TMEM165: variants seen among roughly 807,000 people sequenced by gnomAD.
The protein encoded by TMEM165 is transmembrane protein 165.
A neutral mutation model predicts 30.0 loss-of-function variants in TMEM165; 19 were observed. The ratio of observed to expected loss-of-function variants is 0.63; its 90% CI spans 0.44 to 0.93. The LOEUF is 0.93. Among genes scored for constraint, TMEM165 ranks in the 40% least tolerant of loss-of-function variants. The pLI, the probability that TMEM165 is intolerant of heterozygous loss-of-function variation, is 0.00. For synonymous variants in TMEM165, 168 were observed against 162.9 expected, an observed-to-expected ratio of 1.03 and a Z score of -0.24; for missense variants, 340 against 417.0, an observed-to-expected ratio of 0.82 and a Z score of 1.61.
At position 55,411,675 on chromosome 4, in the gene TMEM165, A is replaced by T; in HGVS notation, c.269A>T (p.Asn90Ile). The T allele has an allele frequency of 2.5e-6, 4 of 1,614,118 alleles. No individual in the cohort carries two copies. The highest frequency in any genetic ancestry group is 3.4e-6 in the Non-Finnish European group (4 of 1,180,004). Residue 90 changes from asparagine to isoleucine, a missense_variant, in exon 2 of 6, where the codon AAT becomes ATT. Physicochemically the swap from Asn to Ile is moderately radical, Grantham distance 149 (BLOSUM62 -3). Transcript: ENST00000381334. ...TNKEDPATQT[N>I]LGFIHAFVAA... ...AAAGAAGATCCTGCTACCCAAACTA[A>T]TTTGGGATTTATCCATGCATTTGTC... is the stretch of plus-strand genomic sequence containing the variant.
chr4:55,444,280 G>A (rs192342371), intron 3 of TMEM165, among the ~76,000 whole-genome samples: 1 of 152,118 alleles, frequency 6.6e-6, no homozygotes, highest in Admixed American at 6.5e-5. Flanking sequence ...ATACATACTG[G>A]TATCTTAATA....
chr4:55,403,633 A>G (rs1432592630), intron 1 of TMEM165, among the ~76,000 whole-genome samples: 1 of 151,902 alleles, frequency 6.6e-6, no homozygotes, highest in Non-Finnish European at 1.5e-5. Context: ...TGTGTTTCAG[A>G]CATTATTAAA....
rs1480269976 is a variant in TMEM165 at position 55,411,669 on chromosome 4, A to C, written c.263A>C (p.Gln88Pro). 1 of 1,614,198 alleles carries C rather than the reference A, an allele frequency of 6.2e-7. No individual in the cohort carries two copies. The highest frequency in any genetic ancestry group is 1.1e-5 in the South Asian group (1 of 91,090). ...VHTNKEDPAT[Q>P]TNLGFIHAFV... ...ACCAATAAAGAAGATCCTGCTACCCAAACTAATTTGGGATTTATCCATGCA... is the reference window on the plus strand; with the variant it reads ...ACCAATAAAGAAGATCCTGCTACCCCAACTAATTTGGGATTTATCCATGCA... The change falls in exon 2 of 6, where the codon CAA becomes CCA. Residue 88 changes from glutamine (Q) to proline (P), a missense_variant. Gln to Pro is a moderately conservative substitution (Grantham distance 76). Around this residue, in one of 2 missense-constraint regions of TMEM165, gnomAD observed 220 missense variants for 307.6 expected, o/e 0.72. Transcript: ENST00000381334.
intron 3 of TMEM165, among the ~76,000 whole-genome samples, chr4:55,448,605 T>G: frequency 3.6e-5 from 1 of 27,400 alleles, no homozygotes; most frequent in Non-Finnish European, 6.5e-5. Flanking sequence ...CGCGCGCGTG[T>G]GTGTGTGTGT....
chr4:55,441,028 CCTCTG>C (rs1723326592), intron 3 of TMEM165, among the ~76,000 whole-genome samples: 1 of 152,190 alleles, frequency 6.6e-6, no homozygotes, highest in African/African-American at 2.4e-5. Context: ...TTTCTAAAGA[CCTCTG>C]AAGTATTCAT....
At chr4:55,448,718 A>G in intron 3 of TMEM165, 1 of 1,420,594 alleles carries the variant, frequency 7.0e-7, no homozygotes, top group Non-Finnish European at 9.9e-7. Flanking sequence ...AAAAAATTAC[A>G]TTAGCTTAAA....
intron 1 of TMEM165, among the ~76,000 whole-genome samples, chr4:55,408,579 G>A (rs1318963222): frequency 6.6e-6 from 1 of 152,028 alleles, no homozygotes; most frequent in Non-Finnish European, 1.5e-5. Context: ...CTGCATATTC[G>A]GCCCATCATT....
intron 2 of TMEM165, among the ~76,000 whole-genome samples, chr4:55,413,805 C>G (rs190914058): frequency 6.6e-6 from 1 of 152,322 alleles, no homozygotes; most frequent in African/African-American, 2.4e-5. Context: ...TGTATATATA[C>G]ACGTTGTTTA....
rs6824955 is a variant in TMEM165, at chr4:55,450,969, T to A, written c.409-1270T>A. Among the ~76,000 whole-genome samples, 119 of 151,584 alleles carry A rather than the reference T, an allele frequency of 7.9e-4. 1 individual carries two copies. Among genetic ancestry groups the A allele is most frequent in the African/African-American group, 2.8e-3 (117 of 41,276 alleles). On this transcript the variant is annotated intron_variant, in intron 3 of 3. Transcript: ENST00000608091. ...TCATACAGCGACACTAATCTTTCCCTTCACCAATGTTTCTTTCTCCATCAG... is the reference window on the plus strand; with the variant it reads ...TCATACAGCGACACTAATCTTTCCCATCACCAATGTTTCTTTCTCCATCAG...
chr4:55,400,242 A>AGT (rs1182283466), intron 1 of TMEM165, among the ~76,000 whole-genome samples: 3 of 36,762 alleles, frequency 8.2e-5, no homozygotes, highest in Non-Finnish European at 1.6e-4. Context: ...TAATGTAATT[A>AGT]ATATTATATT....
intron 3 of TMEM165, among the ~76,000 whole-genome samples, chr4:55,446,073 T>C (rs1381723148): frequency 6.6e-6 from 1 of 151,176 alleles, no homozygotes. Context: ...ATATTGTGGC[T>C]ACCACTTACT....
intron 1 of TMEM165, among the ~76,000 whole-genome samples, chr4:55,401,613 T>G (rs558350475): frequency 6.6e-6 from 1 of 150,640 alleles, no homozygotes; most frequent in Admixed American, 6.6e-5. Flanking sequence ...TGAGAGTACC[T>G]TCTACAAAAC....
intron 3 of TMEM165, chr4:55,435,126 G>A (rs1348999139): frequency 4.9e-6 from 2 of 407,878 alleles, no homozygotes; most frequent in Non-Finnish European, 9.3e-6. Context: ...TCATAGCTGA[G>A]CTTCTTAATA....
intron 3 of TMEM165, among the ~76,000 whole-genome samples, chr4:55,441,535 G>A (rs145644173): frequency 2.0e-5 from 3 of 152,294 alleles, no homozygotes; most frequent in Non-Finnish European, 4.4e-5. Flanking sequence ...ATACACCATG[G>A]CCTACTACTC....
intron 1 of TMEM165, chr4:55,403,360 C>T: frequency 8.6e-7 from 1 of 1,166,998 alleles, no homozygotes. Flanking sequence ...AATTTCAATA[C>T]AGTCACATTT....
chr4:55,443,984 G>GTA, intron 3 of TMEM165: 1 of 1,222,924 alleles, frequency 8.2e-7, no homozygotes, highest in Non-Finnish European at 1.2e-6. Context: ...AAGCTACAAA[G>GTA]TATGTTTAAA....
In TMEM165 at chr4:55,445,150, ATTGTTAATTTCTGAAATCAAAGTTGTGT is replaced by A. The variant is rs1487979903; in HGVS notation, c.409-7088_409-7061del. ...GTTTAACATATGATATGGTCTGGTT[ATTGTTAATTTCTGAAATCAAAGTTGTGT>A]GCCCTGAAATGTAATTTAGTATCCC... On this transcript the variant is annotated intron_variant, in intron 3 of 3. Transcript: ENST00000608091. Among the ~76,000 whole-genome samples, 28 of 68,450 alleles carry A rather than the reference ATTGTTAATTTCTGAAATCAAAGTTGTGT, an allele frequency of 4.1e-4. 8 individuals carry two copies. The highest frequency in any genetic ancestry group is 2.1e-3 in the East Asian group (2 of 952). 44.9% of individuals were successfully genotyped at this position (68,450 alleles called of 152,430 possible).
chr4:55,443,041 C>G (rs969816446), intron 3 of TMEM165, among the ~76,000 whole-genome samples: 1 of 152,156 alleles, frequency 6.6e-6, no homozygotes, highest in Non-Finnish European at 1.5e-5. Flanking sequence ...GCCCCCTCCC[C>G]CAACAGTCTA....
intron 2 of TMEM165, among the ~76,000 whole-genome samples, chr4:55,412,332 T>C (rs112324456): frequency 0.011 from 1,459 of 133,924 alleles, 8 homozygotes; most frequent in Middle Eastern, 0.029. Context: ...AGGCAGAGGT[T>C]GCAGTGAGCT....
Sources: allele counts gnomAD v4.1 joint callset (sites outside exome capture counted in the v4.1 genomes callset), GRCh38; gene constraint gnomAD v4.1.1; regional missense constraint gnomAD v4.1.1; transcripts MANE v1.5; gene names NCBI Gene and HGNC (gene_info 2026-07-23, HGNC 2026-07-21).